RORA: variants seen among roughly 807,000 people sequenced by gnomAD.
RORA encodes nuclear receptor ROR-alpha.
Under a neutral mutation model 69.5 loss-of-function variants are expected in RORA, and 7 were observed. The ratio of observed to expected loss-of-function variants is 0.10; its 90% confidence interval spans 0.06 to 0.19. The LOEUF (loss-of-function observed/expected upper bound fraction) is 0.19, where lower values mean the gene tolerates loss of function less well. Among genes scored for constraint, RORA ranks in the 10% least tolerant of loss-of-function variants. The pLI is 1.00. For missense variants in RORA, 457 were observed against 663.0 expected (o/e 0.69, Z 3.41); for synonymous variants, 261 against 240.8 (o/e 1.08, Z -0.78).
chr15:60,889,357 G>GCTT (rs1162350634), intron 1 of RORA, among the ~76,000 whole-genome samples: 2 of 148,430 alleles, frequency 1.3e-5, no homozygotes, highest in Non-Finnish European at 3.0e-5. Flanking sequence ...GGGCGGGGGG[G>GCTT]GGGGGAAGGA....
At chr15:60,838,843 AACACACACACACACACACACACACAC>A in intron 1 of RORA, among the ~76,000 whole-genome samples, 1 of 122,114 alleles carries the variant, frequency 8.2e-6, no homozygotes, top group Non-Finnish European at 1.7e-5. Context: ...ACATTCATTC[AACACACACACACACACACACACACAC>A]ACACACACAC....
At chr15:60,887,191 A>G (rs2073761305) in intron 1 of RORA, among the ~76,000 whole-genome samples, 2 of 152,168 alleles carry the variant, frequency 1.3e-5, no homozygotes, top group Admixed American at 1.3e-4. Context: ...AATTAGAAAA[A>G]AAAGGTTTCA....
intron 1 of RORA, among the ~76,000 whole-genome samples, chr15:61,156,028 C>T (rs969471891): frequency 6.6e-6 from 1 of 152,142 alleles, no homozygotes; most frequent in Non-Finnish European, 1.5e-5. Flanking sequence ...CATTCACTCT[C>T]CTTGCACATG....
chr15:60,597,563 T>A (rs1190960909), intron 2 of RORA, among the ~76,000 whole-genome samples: 1 of 32,628 alleles, frequency 3.1e-5, no homozygotes, highest in African/African-American at 1.5e-4. Flanking sequence ...TATATATATA[T>A]ATATATATAT....
intron 4 of RORA, among the ~76,000 whole-genome samples, chr15:60,512,522 T>G (rs1322590201): frequency 1.3e-5 from 2 of 152,164 alleles, no homozygotes; most frequent in Non-Finnish European, 2.9e-5. Context: ...ACTCCAGGGC[T>G]CAAGCAATCC....
At chr15:60,783,177 G>C (rs985610897) in intron 1 of RORA, among the ~76,000 whole-genome samples, 2 of 152,132 alleles carry the variant, frequency 1.3e-5, no homozygotes, top group African/African-American at 2.4e-5. Flanking sequence ...AATACAAAGG[G>C]GGTGCATGTA....
chr15:61,032,191 T>G (rs1010019531), intron 1 of RORA, among the ~76,000 whole-genome samples: 1 of 152,236 alleles, frequency 6.6e-6, no homozygotes, highest in Non-Finnish European at 1.5e-5. Context: ...AAGAAAACCC[T>G]TCCAAGTAGC....
chr15:60,532,534 T>C (rs1359942721), intron 2 of RORA, among the ~76,000 whole-genome samples: 1 of 152,200 alleles, frequency 6.6e-6, no homozygotes, highest in Non-Finnish European at 1.5e-5. Flanking sequence ...CATGTGTTTC[T>C]ACCCAACTGA....
chr15:60,796,510 C>T (rs1412875347), intron 1 of RORA, among the ~76,000 whole-genome samples: 2 of 138,544 alleles, frequency 1.4e-5, no homozygotes, highest in African/African-American at 4.9e-5. Context: ...CCACCCCCCG[C>T]CAAAAAAAAA....
At chr15:60,955,403 A>T (rs1893237710) in intron 1 of RORA, among the ~76,000 whole-genome samples, 1 of 152,240 alleles carries the variant, frequency 6.6e-6, no homozygotes, top group East Asian at 1.9e-4. Flanking sequence ...GAAATATGAT[A>T]ATACATACAA....
intron 1 of RORA, among the ~76,000 whole-genome samples, chr15:60,698,918 C>T (rs1464149512): frequency 6.6e-6 from 1 of 151,896 alleles, no homozygotes; most frequent in Non-Finnish European, 1.5e-5. Context: ...TTTTGTATTT[C>T]CTCTTTTGTT....
At chr15:60,977,109 T>A (rs1167189791) in intron 1 of RORA, among the ~76,000 whole-genome samples, 2 of 93,700 alleles carry the variant, frequency 2.1e-5, no homozygotes, top group African/African-American at 5.4e-5. Context: ...CAAAACTGAT[T>A]GGAGGGAAAA....
chr15:60,815,072 C>T (rs551004853), intron 1 of RORA, among the ~76,000 whole-genome samples: 1 of 152,228 alleles, frequency 6.6e-6, no homozygotes, highest in South Asian at 2.1e-4. Flanking sequence ...TTAAGGAAGT[C>T]AACTAATCCA....
At chr15:61,175,541 T>TAAATTAAAAA (rs61188463) in intron 1 of RORA, among the ~76,000 whole-genome samples, 11 of 120,206 alleles carry the variant, frequency 9.2e-5, no homozygotes, top group East Asian at 7.0e-4. Context: ...ATCCTGTTTC[T>TAAATTAAAAA]AAAAAAAAAA....
chr15:60,771,108 A>C (rs920981026), intron 1 of RORA, among the ~76,000 whole-genome samples: 1 of 152,058 alleles, frequency 6.6e-6, no homozygotes, highest in Non-Finnish European at 1.5e-5. Flanking sequence ...ACAAGCTTTA[A>C]CTCTTAAGGT....
In RORA at chr15:60,983,136, C is replaced by T. The variant is rs147678549; in HGVS notation, c.166+245917G>A. 5.9e-3 allele frequency among the ~76,000 whole-genome samples: 896 copies of T among 152,240 alleles called. 13 individuals are homozygous for T. Among genetic ancestry groups the T allele is most frequent in the African/African-American group, 0.021 (859 of 41,532 alleles). ...GCCAAAGGGATTTCAAAGAAACCTG[C>T]AAAACTAGTTCAGGCCATGATAGGA... is the stretch of plus-strand genomic sequence containing the variant. On this transcript the variant is annotated intron_variant, in intron 1 of 10. Transcript: ENST00000335670.
At chr15:60,626,383 G>T (rs2069581721) in intron 2 of RORA, among the ~76,000 whole-genome samples, 1 of 152,140 alleles carries the variant, frequency 6.6e-6, no homozygotes, top group Admixed American at 6.5e-5. Flanking sequence ...GGGTTTTGTT[G>T]TTGTTGTTGT....
chr15:60,865,260 C>T (rs1299407768), intron 1 of RORA, among the ~76,000 whole-genome samples: 1 of 152,208 alleles, frequency 6.6e-6, no homozygotes, highest in African/African-American at 2.4e-5. Flanking sequence ...TACTTCCTCA[C>T]ACCTGTTTCC....
At chr15:61,121,166 T>G (rs1322094274) in intron 1 of RORA, among the ~76,000 whole-genome samples, 1 of 152,144 alleles carries the variant, frequency 6.6e-6, no homozygotes, top group East Asian at 1.9e-4. Flanking sequence ...GCCTTACTTC[T>G]GATCCTTACC....
Sources: allele counts gnomAD v4.1 joint callset (sites outside exome capture counted in the v4.1 genomes callset), GRCh38; gene constraint gnomAD v4.1.1; transcripts MANE v1.5; gene names NCBI Gene and HGNC (gene_info 2026-07-23, HGNC 2026-07-21).